The following GADL1 variants were observed in gnomAD, a reference collection of about 807,000 sequenced individuals.
The protein encoded by GADL1 is GAD like acidic amino acid decarboxylase 1.
Under a neutral mutation model 69.5 loss-of-function variants are expected in GADL1, and 71 were observed. The observed-to-expected ratio is 1.02, with a 90% CI of 0.84 to 1.25. GADL1 has a LOEUF of 1.25. Ranked by LOEUF, GADL1 falls within the 50% of genes most tolerant of loss-of-function variation. The pLI is 0.00. For synonymous variants in GADL1, 254 were observed against 214.4 expected (o/e 1.18, Z -1.62); for missense variants, 737 against 631.8 (o/e 1.17, Z -1.79).
intron 2 of GADL1, among the ~76,000 whole-genome samples, chr3:30,860,816 T>C (rs1310127757): frequency 6.6e-6 from 1 of 152,014 alleles, no homozygotes; most frequent in Admixed American, 6.6e-5. Context: ...GAAGTGATAC[T>C]GCCTGGATTT....
intron 14 of GADL1, among the ~76,000 whole-genome samples, chr3:30,730,367 G>C (rs1247501111): frequency 6.6e-6 from 1 of 152,150 alleles, no homozygotes; most frequent in Admixed American, 6.5e-5. Context: ...AGATAAAGGG[G>C]GATGGCTAAA....
At chr3:30,781,617 G>C (rs375878228) in intron 13 of GADL1, among the ~76,000 whole-genome samples, 4 of 152,270 alleles carry the variant, frequency 2.6e-5, no homozygotes, top group African/African-American at 9.6e-5. Flanking sequence ...TAGCAAAAAA[G>C]CCTAAGTTTT....
chr3:30,844,581 A>G (rs1466231087), intron 6 of GADL1, 115 bp from the exon 7 acceptor site: 2 of 734,680 alleles, frequency 2.7e-6, no homozygotes, highest in Non-Finnish European at 4.8e-6. Flanking sequence ...TTGGGACATT[A>G]TTGCATAAAA....
chr3:30,826,983 GACAA>G (rs1371236230), intron 11 of GADL1, among the ~76,000 whole-genome samples: 1 of 151,778 alleles, frequency 6.6e-6, no homozygotes, highest in African/African-American at 2.4e-5. Context: ...ATATGGATAA[GACAA>G]ACAATTTCCA....
rs1697329742 is a variant in GADL1, at chr3:30,810,497, G to A, written c.1051-9409C>T. On this transcript the variant is annotated intron_variant, in intron 11 of 14. Coordinates refer to ENST00000282538, the MANE Select transcript of GADL1 (RefSeq NM_207359.3). ...TTGATATGCTCTTAAAAATTCTTAAGTTGCTTTACAAAGCTGAGGTCAGTT... is the reference window on the plus strand; with the variant it reads ...TTGATATGCTCTTAAAAATTCTTAAATTGCTTTACAAAGCTGAGGTCAGTT... 2.6e-5 allele frequency among the ~76,000 whole-genome samples: 4 copies of A among 152,122 alleles called. No homozygotes were observed. The South Asian group carries it at 8.3e-4, about 32-fold the overall frequency.
chr3:30,761,139 T>C (rs1416345329), intron 14 of GADL1, among the ~76,000 whole-genome samples: 1 of 152,180 alleles, frequency 6.6e-6, no homozygotes, highest in Non-Finnish European at 1.5e-5. Context: ...ACGTAAATCT[T>C]TATATTGTAT....
At chr3:30,809,250 TTTTC>T (rs1697311932) in intron 11 of GADL1, among the ~76,000 whole-genome samples, 1 of 152,244 alleles carries the variant, frequency 6.6e-6, no homozygotes, top group African/African-American at 2.4e-5. Flanking sequence ...AGTTAGTTCA[TTTTC>T]TTTCTGCTGT....
intron 14 of GADL1, among the ~76,000 whole-genome samples, chr3:30,769,421 G>A (rs758164633): frequency 4.6e-5 from 7 of 152,046 alleles, no homozygotes; most frequent in Non-Finnish European, 5.9e-5. Flanking sequence ...CTTAGGTTAC[G>A]CAAAGAGGGA....
In GADL1 at chr3:30,803,216, T is replaced by C. The variant is rs115521379; in HGVS notation, c.1051-2128A>G. ...ACTAAAGTAGAAAAATCCCTTACTT[T>C]TAAGTCTTAGATTTTATCATCAATA... On this transcript the variant is annotated intron_variant, in intron 11 of 14. Transcript: ENST00000282538. 2.5e-3 allele frequency among the ~76,000 whole-genome samples: 381 copies of C among 152,236 alleles called. 2 individuals carry two copies. The highest frequency in any genetic ancestry group is 8.7e-3 in the African/African-American group (363 of 41,552).
intron 1 of GADL1, among the ~76,000 whole-genome samples, chr3:30,867,566 G>A (rs1334180760): frequency 6.6e-6 from 1 of 151,760 alleles, no homozygotes; most frequent in Non-Finnish European, 1.5e-5. Context: ...TTTTTCAGAT[G>A]AGAAAACTGA....
intron 1 of GADL1, among the ~76,000 whole-genome samples, chr3:30,883,275 T>C (rs1054024376): frequency 5.3e-5 from 8 of 152,004 alleles, no homozygotes; most frequent in African/African-American, 1.9e-4. Context: ...AAATTTTATA[T>C]TTTTGGGTCT....
At chr3:30,774,971 G>C (rs1696499846) in intron 14 of GADL1, among the ~76,000 whole-genome samples, 1 of 152,108 alleles carries the variant, frequency 6.6e-6, no homozygotes, top group African/African-American at 2.4e-5. Flanking sequence ...GACCAGAAAA[G>C]AGACAAATAC....
rs141632742 is a variant in GADL1 at position 30,844,968 on chromosome 3, C to T, written c.652-502G>A. Among the ~76,000 whole-genome samples, 9 of 152,244 alleles carry T rather than the reference C, an allele frequency of 5.9e-5. No individual in the cohort carries two copies. In the East Asian group the frequency reaches 1.2e-3, roughly 20 times the overall value. ...TCTAGTCCACTGCTGACTTGAAACC[C>T]TCTAAGGAGAGGGCAAGACTCTATC... On this transcript the variant is annotated intron_variant, in intron 6 of 14. Coordinates refer to ENST00000282538, the MANE Select transcript of GADL1 (RefSeq NM_207359.3).
At chr3:30,765,675 C>G (rs304835) in intron 14 of GADL1, among the ~76,000 whole-genome samples, 3 of 151,892 alleles carry the variant, frequency 2.0e-5, no homozygotes, top group Admixed American at 6.6e-5. Flanking sequence ...AGGAGCCCCA[C>G]ATTTTTATTT....
At chr3:30,802,339 A>G (rs1697180817) in intron 11 of GADL1, among the ~76,000 whole-genome samples, 1 of 152,154 alleles carries the variant, frequency 6.6e-6, no homozygotes, top group Non-Finnish European at 1.5e-5. Context: ...GGCACAGAGC[A>G]CTCTCATTAA....
chr3:30,778,068 C>T (rs1229726600), intron 14 of GADL1, 111 bp downstream of exon 14: 2 of 647,018 alleles, frequency 3.1e-6, no homozygotes, highest in Non-Finnish European at 5.6e-6. Flanking sequence ...CTAGAAGACA[C>T]TTCTCTAGAT....
chr3:30,802,023 T>C (rs1697175867), intron 11 of GADL1, among the ~76,000 whole-genome samples: 1 of 152,216 alleles, frequency 6.6e-6, no homozygotes, highest in Admixed American at 6.5e-5. Flanking sequence ...TTCAAAAGAA[T>C]ATATGCAGTC....
intron 1 of GADL1, among the ~76,000 whole-genome samples, chr3:30,882,761 C>A (rs1407102810): frequency 6.6e-6 from 1 of 151,848 alleles, no homozygotes; most frequent in Admixed American, 6.6e-5. Flanking sequence ...AGCAGTTACA[C>A]CATTGTACAA....
chr3:30,769,904 GAC>G (rs1250193756), intron 14 of GADL1, among the ~76,000 whole-genome samples: 1 of 47,504 alleles, frequency 2.1e-5, no homozygotes, highest in African/African-American at 2.0e-4. Context: ...AGCTTCCAGT[GAC>G]ACACAGGTAA....
Sources: allele counts gnomAD v4.1 joint callset (sites outside exome capture counted in the v4.1 genomes callset), GRCh38; gene constraint gnomAD v4.1.1; transcripts MANE v1.5; gene names NCBI Gene and HGNC (gene_info 2026-07-23, HGNC 2026-07-21).